RIMS1: variants seen among roughly 807,000 people sequenced by gnomAD.
RIMS1 encodes regulating synaptic membrane exocytosis 1, also known as regulating synaptic membrane exocytosis protein 1.
Under a neutral mutation model 214.1 loss-of-function variants are expected in RIMS1, and 83 were observed. That is an observed-to-expected ratio of 0.39 (90% CI 0.32 to 0.47). The LOEUF is 0.47. Among genes scored for constraint, RIMS1 ranks in the 20% least tolerant of loss-of-function variants. The pLI is 0.99. For synonymous variants in RIMS1, 793 were observed against 786.8 expected (o/e 1.01, Z -0.13); for missense variants, 2,050 against 2,161.8 (o/e 0.95, Z 1.03).
intron 26 of RIMS1, among the ~76,000 whole-genome samples, chr6:72,303,252 A>T (rs1286054286): frequency 6.6e-6 from 1 of 150,776 alleles, no homozygotes; most frequent in Non-Finnish European, 1.5e-5. Context: ...GGGAAGATTT[A>T]TTAAGGATTT....
intron 28 of RIMS1, among the ~76,000 whole-genome samples, chr6:72,320,030 C>T (rs1472843003): frequency 3.3e-5 from 5 of 152,040 alleles, no homozygotes; most frequent in African/African-American, 9.7e-5. Context: ...TTCTGAGAGA[C>T]GGCTAACACA....
At chr6:72,017,597 T>G (rs1418270512) in intron 2 of RIMS1, among the ~76,000 whole-genome samples, 1 of 152,208 alleles carries the variant, frequency 6.6e-6, no homozygotes, top group African/African-American at 2.4e-5. Flanking sequence ...TTCAGAGCAT[T>G]TATTATGTAT....
chr6:71,945,637 A>G (rs977785798), intron 1 of RIMS1, among the ~76,000 whole-genome samples: 6 of 152,204 alleles, frequency 3.9e-5, no homozygotes, highest in African/African-American at 1.4e-4. Context: ...CACCACTTCT[A>G]TTCAACATAA....
At chr6:72,334,130 T>G (rs970950858) in intron 29 of RIMS1, among the ~76,000 whole-genome samples, 40 of 151,902 alleles carry the variant, frequency 2.6e-4, no homozygotes, top group African/African-American at 8.2e-4. Context: ...CATCCAAATT[T>G]ATTTACATGC....
At chr6:72,009,745 C>G (rs557124391) in intron 2 of RIMS1, among the ~76,000 whole-genome samples, 2 of 152,026 alleles carry the variant, frequency 1.3e-5, no homozygotes, top group African/African-American at 4.8e-5. Context: ...ATAAATTCCT[C>G]GACACATACA....
intron 29 of RIMS1, among the ~76,000 whole-genome samples, chr6:72,339,389 C>T (rs900832000): frequency 2.0e-5 from 3 of 151,832 alleles, no homozygotes; most frequent in Non-Finnish European, 2.9e-5. Context: ...CCCATTAACT[C>T]GTCATTTAGC....
At chr6:72,320,313 G>A (rs2096076478) in intron 28 of RIMS1, among the ~76,000 whole-genome samples, 1 of 152,070 alleles carries the variant, frequency 6.6e-6, no homozygotes, top group African/African-American at 2.4e-5. Context: ...CTAGACTGCA[G>A]GACTTCAGCA....
intron 16 of RIMS1, among the ~76,000 whole-genome samples, chr6:72,256,140 A>G (rs185874429): frequency 2.5e-4 from 38 of 152,212 alleles, no homozygotes; most frequent in Middle Eastern, 6.8e-3. Flanking sequence ...GTAAAAAGCA[A>G]CTATAAATGT....
chr6:72,285,972 C>T lies in RIMS1; in HGVS notation c.3554+1854C>T, dbSNP rs570745281. Among the ~76,000 whole-genome samples, 18 of 152,110 alleles carry T rather than the reference C, an allele frequency of 1.2e-4. 1 individual carries two copies. Among genetic ancestry groups the T allele is most frequent in the Admixed American group, 1.2e-3 (18 of 15,256 alleles). ...CAGCACTTTGGGAGGCCAAGGCGGG[C>T]AGATCATCTGAGGTCGGGAGTTTGA... On this transcript the variant is annotated intron_variant, in intron 24 of 33. Coordinates refer to ENST00000521978, the MANE Select transcript of RIMS1 (RefSeq NM_014989.7).
At chr6:71,889,617 A>G (rs546374263) in intron 1 of RIMS1, among the ~76,000 whole-genome samples, 2 of 152,302 alleles carry the variant, frequency 1.3e-5, no homozygotes, top group African/African-American at 4.8e-5. Context: ...TAAGCATGTC[A>G]TATTGTCTGC....
chr6:72,170,835 T>A (rs2046928152), intron 4 of RIMS1, among the ~76,000 whole-genome samples: 1 of 152,208 alleles, frequency 6.6e-6, no homozygotes, highest in African/African-American at 2.4e-5. Flanking sequence ...TAATATTTAT[T>A]TACCTTTAGT....
intron 26 of RIMS1, among the ~76,000 whole-genome samples, chr6:72,295,146 T>G (rs905025422): frequency 6.6e-6 from 1 of 151,794 alleles, no homozygotes; most frequent in Non-Finnish European, 1.5e-5. Flanking sequence ...ATGTGTTAAT[T>G]ATGTTTTATA....
intron 1 of RIMS1, among the ~76,000 whole-genome samples, chr6:71,898,677 T>A (rs1317824602): frequency 6.6e-6 from 1 of 152,158 alleles, no homozygotes; most frequent in Non-Finnish European, 1.5e-5. Flanking sequence ...CTGAACATAG[T>A]GCTCCAGGCC....
At chr6:72,373,760 G>T (rs2098290135) in intron 29 of RIMS1, among the ~76,000 whole-genome samples, 1 of 152,020 alleles carries the variant, frequency 6.6e-6, no homozygotes, top group South Asian at 2.1e-4. Flanking sequence ...TTAAGATACA[G>T]TAATGCAGTT....
At chr6:71,963,942 G>A (rs2151286266) in intron 1 of RIMS1, among the ~76,000 whole-genome samples, 1 of 152,162 alleles carries the variant, frequency 6.6e-6, no homozygotes, top group South Asian at 2.1e-4. Context: ...GTAAGACACT[G>A]TTCTAGGCTC....
intron 28 of RIMS1, 81 bp downstream of exon 28, chr6:72,313,753 T>C: frequency 1.4e-6 from 2 of 1,388,312 alleles, no homozygotes; most frequent in Non-Finnish European, 1.9e-6. Context: ...ATATTTTTTC[T>C]ATAATACAGT....
intron 2 of RIMS1, among the ~76,000 whole-genome samples, chr6:72,032,320 AGTT>A (rs1226172169): frequency 6.6e-6 from 1 of 152,172 alleles, no homozygotes. Flanking sequence ...TGTCTTCCAC[AGTT>A]GTTTCATGTG....
At chr6:72,011,246 T>C (rs888879568) in intron 2 of RIMS1, among the ~76,000 whole-genome samples, 2 of 152,160 alleles carry the variant, frequency 1.3e-5, no homozygotes, top group East Asian at 1.9e-4. Flanking sequence ...CCCTATTTAA[T>C]AAATGGTGCT....
chr6:71,907,818 C>G (rs766940745), intron 1 of RIMS1, among the ~76,000 whole-genome samples: 3 of 152,096 alleles, frequency 2.0e-5, no homozygotes, highest in Non-Finnish European at 4.4e-5. Flanking sequence ...GTTGGTGAAA[C>G]TCTAGTAAGT....
Sources: allele counts gnomAD v4.1 joint callset (sites outside exome capture counted in the v4.1 genomes callset), GRCh38; gene constraint gnomAD v4.1.1; transcripts MANE v1.5; gene names NCBI Gene and HGNC (gene_info 2026-07-23, HGNC 2026-07-21).